The following HIVEP3 variants were observed in gnomAD, a reference collection of about 807,000 sequenced individuals.
HIVEP3 encodes HIVEP zinc finger 3, also known as transcription factor HIVEP3.
HIVEP3 carries 49 observed loss-of-function variants against 152.8 expected under a neutral mutation model. The ratio of observed to expected loss-of-function variants is 0.32; its 90% confidence interval spans 0.26 to 0.41. The LOEUF is 0.41. Ranked by LOEUF, HIVEP3 falls within the 10% of genes least tolerant of loss-of-function variation. The pLI is 1.00. For synonymous variants in HIVEP3, 1,269 were observed against 1,289.0 expected (o/e 0.98, Z 0.33); for missense variants, 2,790 against 3,103.3 (o/e 0.90, Z 2.40).
intron 2 of HIVEP3, among the ~76,000 whole-genome samples, chr1:41,638,291 AGGAAGGAGAG>A (rs1558137046): frequency 0.042 from 5,212 of 123,110 alleles, 120 homozygotes; most frequent in African/African-American, 0.065. Context: ...AGAGGAAGGA[AGGAAGGAGAG>A]AGAAAGAAAG....
At chr1:41,529,340 C>A (rs1447157183) in intron 5 of HIVEP3, among the ~76,000 whole-genome samples, 5 of 144,638 alleles carry the variant, frequency 3.5e-5, no homozygotes, top group African/African-American at 1.3e-4. Flanking sequence ...CTCACATTCA[C>A]ACATGCTGAC....
intron 1 of HIVEP3, among the ~76,000 whole-genome samples, chr1:41,997,228 T>C (rs1645400840): frequency 6.6e-6 from 1 of 152,216 alleles, no homozygotes; most frequent in Non-Finnish European, 1.5e-5. Flanking sequence ...CAGCTCAGAT[T>C]CTAGAGTAGG....
chr1:41,964,818 T>TA (rs1645188825), intron 1 of HIVEP3, among the ~76,000 whole-genome samples: 2 of 152,332 alleles, frequency 1.3e-5, no homozygotes, highest in East Asian at 3.9e-4. Flanking sequence ...TCAGCAGACT[T>TA]ACTCTTTCCT....
intron 1 of HIVEP3, among the ~76,000 whole-genome samples, chr1:41,973,529 C>T (rs1217266067): frequency 6.6e-6 from 1 of 152,196 alleles, no homozygotes; most frequent in African/African-American, 2.4e-5. Context: ...TGGTAACTGG[C>T]TTCACCAATG....
At chr1:41,630,203 C>T (rs1645174256) in intron 2 of HIVEP3, among the ~76,000 whole-genome samples, 1 of 152,148 alleles carries the variant, frequency 6.6e-6, no homozygotes, top group South Asian at 2.1e-4. Context: ...TGTGTTTTCA[C>T]CTATAAGCAG....
Position 41,510,028 on chromosome 1 carries a change from G to T in HIVEP3, c.*423C>A, listed in dbSNP as rs1644426870. 1 of 154,062 alleles carries T rather than the reference G, an allele frequency of 6.5e-6. No individual in the cohort carries two copies. 9.5% of individuals were successfully genotyped at this position (154,062 alleles called of 1,614,324 possible). Reference sequence around the variant, plus strand: ...CTTGATCGCATCTGTACACAGGAGTGCTTCCTTTTACATTTAATTCTATAT... The same window carrying T: ...CTTGATCGCATCTGTACACAGGAGTTCTTCCTTTTACATTTAATTCTATAT... On this transcript the variant is annotated 3_prime_UTR_variant, in exon 9 of 9. Transcript: ENST00000372583.
chr1:41,828,451 G>C (rs570204000), intron 1 of HIVEP3, among the ~76,000 whole-genome samples: 1 of 152,308 alleles, frequency 6.6e-6, no homozygotes, highest in South Asian at 2.1e-4. Flanking sequence ...TTTGCCTTTT[G>C]ACTGTTTCCA....
intron 1 of HIVEP3, among the ~76,000 whole-genome samples, chr1:41,948,629 T>A (rs1431298888): frequency 1.3e-5 from 2 of 152,116 alleles, no homozygotes; most frequent in Non-Finnish European, 2.9e-5. Context: ...CAAGTCCCAG[T>A]ACTCAGAAGA....
chr1:41,551,448 C>G (rs115589175), intron 5 of HIVEP3, among the ~76,000 whole-genome samples: 1 of 151,970 alleles, frequency 6.6e-6, no homozygotes, highest in Non-Finnish European at 1.5e-5. Flanking sequence ...GTTTAAGAAG[C>G]AGTGGTTCCA....
intron 1 of HIVEP3, among the ~76,000 whole-genome samples, chr1:41,937,756 T>C (rs115759726): frequency 5.1e-4 from 78 of 152,320 alleles, no homozygotes; most frequent in African/African-American, 1.5e-3. Context: ...ATATGTCAAC[T>C]AATAATATCT....
chr1:41,974,982 A>C (rs138215606), intron 1 of HIVEP3, among the ~76,000 whole-genome samples: 13 of 152,252 alleles, frequency 8.5e-5, no homozygotes, highest in African/African-American at 3.1e-4. Flanking sequence ...AGCTGAGTCC[A>C]TTTCTGGGCA....
intron 5 of HIVEP3, among the ~76,000 whole-genome samples, chr1:41,544,822 CCACCACCA>C: frequency 7.2e-6 from 1 of 139,616 alleles, no homozygotes; most frequent in Non-Finnish European, 1.6e-5. Context: ...ACCACCTCTA[CCACCACCA>C]TCACCACCAC....
intron 1 of HIVEP3, among the ~76,000 whole-genome samples, chr1:41,773,513 C>T (rs74635995): frequency 6.0e-5 from 9 of 149,336 alleles, no homozygotes; most frequent in African/African-American, 2.0e-4. Flanking sequence ...GACACCCTCC[C>T]GGAATCCAGT....
chr1:41,897,083 C>T (rs1644541594), intron 1 of HIVEP3, among the ~76,000 whole-genome samples: 1 of 152,004 alleles, frequency 6.6e-6, no homozygotes, highest in Non-Finnish European at 1.5e-5. Flanking sequence ...TAGGGACCAC[C>T]ACAGTGGTGT....
chr1:41,678,486 G>GT (rs1645990639), intron 2 of HIVEP3, among the ~76,000 whole-genome samples: 1 of 152,114 alleles, frequency 6.6e-6, no homozygotes, highest in African/African-American at 2.4e-5. Flanking sequence ...TGTGGGCCTA[G>GT]AGAAGCAGCC....
chr1:41,540,856 T>C (rs144504632), intron 5 of HIVEP3, among the ~76,000 whole-genome samples: 3 of 152,198 alleles, frequency 2.0e-5, no homozygotes, highest in Non-Finnish European at 4.4e-5. Flanking sequence ...TAAATGACAA[T>C]GTAAGTCTGG....
intron 3 of HIVEP3, among the ~76,000 whole-genome samples, chr1:41,620,095 C>T (rs930464668): frequency 1.1e-4 from 17 of 152,112 alleles, no homozygotes; most frequent in African/African-American, 4.1e-4. Context: ...CTAAGGCAGA[C>T]ACAGGAGAAG....
intron 3 of HIVEP3, among the ~76,000 whole-genome samples, chr1:41,610,735 C>T (rs766745115): frequency 1.1e-4 from 17 of 152,150 alleles, no homozygotes; most frequent in Admixed American, 2.6e-4. Context: ...TACTGAATTC[C>T]GAGCGCAATT....
intron 1 of HIVEP3, among the ~76,000 whole-genome samples, chr1:41,817,516 G>A (rs1642447078): frequency 6.6e-6 from 1 of 152,196 alleles, no homozygotes; most frequent in South Asian, 2.1e-4. Context: ...GCTAGGCTGA[G>A]CAGGGGATGT....
Sources: allele counts gnomAD v4.1 joint callset (sites outside exome capture counted in the v4.1 genomes callset), GRCh38; gene constraint gnomAD v4.1.1; transcripts MANE v1.5; gene names NCBI Gene and HGNC (gene_info 2026-07-23, HGNC 2026-07-21).